The following ZNF195 variants were observed in gnomAD, a reference collection of about 807,000 sequenced individuals.
ZNF195 encodes the protein zinc finger protein 195.
ZNF195 carries 11 observed loss-of-function variants against 19.5 expected under a neutral mutation model. That is an observed-to-expected ratio of 0.57 (90% CI 0.36 to 0.94). ZNF195 has a LOEUF of 0.94. Among genes scored for constraint, ZNF195 ranks in the 40% least tolerant of loss-of-function variants. The pLI is 0.01. For synonymous variants in ZNF195, 214 were observed against 248.1 expected (o/e 0.86, Z 1.29); for missense variants, 582 against 709.0 (o/e 0.82, Z 2.03).
chr11:3,361,978 G>A, intron 3 of ZNF195, 89 bp from the exon 4 acceptor site: 1 of 434,164 alleles, frequency 2.3e-6, no homozygotes, highest in Non-Finnish European at 4.7e-6. Context: ...AGAATCACCT[G>A]AACCTGGGAA....
At chr11:3,378,935 G>A (rs1849611555) in intron 1 of ZNF195, 103 bp downstream of exon 1, 8 of 1,268,396 alleles carry the variant, frequency 6.3e-6, no homozygotes, top group Middle Eastern at 6.0e-4. Flanking sequence ...TCGGGTCCGC[G>A]GAGCCCGGAA....
chr11:3,362,141 T>C (rs1848665876), intron 3 of ZNF195: 3 of 328,492 alleles, frequency 9.1e-6, no homozygotes, highest in South Asian at 2.4e-5. Flanking sequence ...GCAAGAATAA[T>C]ATAACCAGTG....
In ZNF195 at chr11:3,360,130, A is replaced by G. The variant is rs1373335357; in HGVS notation, c.878T>C (p.Ile293Thr). 9 of 1,613,956 alleles carry G rather than the reference A, an allele frequency of 5.6e-6. No homozygotes were observed. Among genetic ancestry groups the G allele is most frequent in the African/African-American group, 2.7e-5 (2 of 74,922 alleles). Reference sequence around the variant, plus strand: ...CTTGTAAGGTTTCTCTCCAGTGTCAATGTTCTCAGGTTCAGTAAAGTGTGA... The same window carrying G: ...CTTGTAAGGTTTCTCTCCAGTGTCAGTGTTCTCAGGTTCAGTAAAGTGTGA... Reference protein sequence around the residue: ...QCSHFTEPENIDTGEKPYKCQ... With the variant: ...QCSHFTEPENTDTGEKPYKCQ... Residue 293 changes from isoleucine to threonine, a missense_variant, in exon 6 of 6, where the codon ATT (isoleucine) becomes ACT (threonine). This residue lies in a region of ZNF195 where 407 missense variants were observed against 530.5 expected (regional missense o/e 0.77). Transcript: ENST00000399602.
rs769043654 is a variant in ZNF195 at position 3,361,761 on chromosome 11, A to T, written c.355T>A (p.Ser119Thr). The T allele has an allele frequency of 7.7e-7, 1 of 1,296,614 alleles. No homozygotes were observed. Among genetic ancestry groups the T allele is most frequent in the South Asian group, 1.2e-5 (1 of 80,790 alleles). The allele number at this position is 1,296,614 out of a possible 1,614,324, so 80.3% of individuals were successfully genotyped here. The change falls in exon 4 of 6, where the codon TCT (serine) becomes ACT (threonine). Residue 119 changes from serine to threonine, a missense_variant. By Grantham distance (58) the Ser-to-Thr change is moderately conservative (BLOSUM62 1). Around this residue, in one of 3 missense-constraint regions of ZNF195, gnomAD observed 129 missense variants for 112.1 expected, o/e 1.15. Coordinates refer to ENST00000399602, the MANE Select transcript of ZNF195 (RefSeq NM_001130520.3). ...NHRAQPGLNV[S>T]VDKFTALCSP... Reference sequence around the variant, plus strand: ...AGATTACCAGTGAATTTGTCCACAGAAACATTGAGGCCTGGCTGGGCACGG... The same window carrying T: ...AGATTACCAGTGAATTTGTCCACAGTAACATTGAGGCCTGGCTGGGCACGG...
chr11:3,360,346 T>C lies in ZNF195; in HGVS notation c.662A>G (p.Tyr221Cys), dbSNP rs576848244. 6.2e-6 allele frequency: 10 copies of C among 1,600,908 alleles called. No homozygotes were observed. The South Asian group carries it at 7.8e-5, about 13-fold the overall frequency. ...THSKIFQYNK[Y>C]VKIFDNFSNL... ...TGAAAAGTTATCAAAGATTTTAACA[T>C]ATTTATTATATTGAAAGATTTTGCT... The change falls in exon 6 of 6, where the codon TAT (tyrosine) becomes TGT (cysteine). Residue 221 changes from tyrosine to cysteine, a missense_variant. Tyr to Cys is a radical substitution (Grantham distance 194). Around this residue, in one of 3 missense-constraint regions of ZNF195, gnomAD observed 407 missense variants for 530.5 expected, o/e 0.77. Transcript: ENST00000399602.
intron 3 of ZNF195, chr11:3,362,828 G>A (rs1848697442): frequency 7.6e-6 from 2 of 262,808 alleles, no homozygotes; most frequent in Admixed American, 5.3e-5. Flanking sequence ...TCAAACTACA[G>A]CTGACCTACA....
At chr11:3,378,718 G>T (rs1564932389) in intron 1 of ZNF195, among the ~76,000 whole-genome samples, 1 of 152,214 alleles carries the variant, frequency 6.6e-6, no homozygotes, top group Non-Finnish European at 1.5e-5. Flanking sequence ...GAGAAAGGAG[G>T]GACTGGGGCC....
chr11:3,360,774 C>A lies in ZNF195; in HGVS notation c.388G>T (p.Gly130Trp). Reference sequence around the variant, plus strand: ...AACCATTTCACAGTTTGCAGCACCCCAGGTGAGCACAGTGCTAGGAGCCAG... The same window carrying A: ...AACCATTTCACAGTTTGCAGCACCCAAGGTGAGCACAGTGCTAGGAGCCAG... ...VDKFTALCSP[G>W]VLQTVKWFLE... The change falls in exon 5 of 6, where the codon GGG becomes TGG. Residue 130 changes from glycine (G) to tryptophan (W), a missense_variant. Coordinates refer to ENST00000399602, the MANE Select transcript of ZNF195 (RefSeq NM_001130520.3). 1 of 1,551,488 alleles carries A rather than the reference C, an allele frequency of 6.4e-7. No individual in the cohort carries two copies. The highest frequency in any genetic ancestry group is 1.7e-4 in the Middle Eastern group (1 of 5,992).
intron 1 of ZNF195, among the ~76,000 whole-genome samples, chr11:3,378,305 A>C (rs1849568331): frequency 6.6e-6 from 1 of 152,094 alleles, no homozygotes; most frequent in African/African-American, 2.4e-5. Context: ...GCGAGACTCC[A>C]TCTCAAAAAT....
intron 3 of ZNF195, chr11:3,363,334 CA>C (rs1436483202): frequency 3.3e-5 from 5 of 152,092 alleles, no homozygotes; most frequent in Non-Finnish European, 7.3e-5. Context: ...CTCCACACAA[CA>C]CAGCAGGAGA....
rs751420700 is a variant in ZNF195, at chr11:3,359,694, G to A, written c.1314C>T (p.Tyr438=). The A allele has an allele frequency of 5.0e-6, 8 of 1,614,080 alleles. No individual in the cohort carries two copies. Among genetic ancestry groups the A allele is most frequent in the South Asian group, 3.3e-5 (3 of 91,090 alleles). ...AGGCTTTCCCACATTCGTCACATTT[G>A]TATGGTTTCTCACCAGTGTGAATTC... ...HKRIHTGEKP[Y]KCDECGKAYT... Residue 438 remains tyrosine (Y), a synonymous_variant, in exon 6 of 6, where the codon TAC becomes TAT. Coordinates refer to ENST00000399602, the MANE Select transcript of ZNF195 (RefSeq NM_001130520.3). The surrounding 1 kb of genome is among the most constrained non-coding windows in gnomAD (Gnocchi z 5.5).
At chr11:3,365,301 G>A (rs1848821968) in intron 3 of ZNF195, among the ~76,000 whole-genome samples, 1 of 152,166 alleles carries the variant, frequency 6.6e-6, no homozygotes, top group South Asian at 2.1e-4. Flanking sequence ...CAATTTAACA[G>A]ACATGCATAG....
chr11:3,373,940 T>C (rs1426715849), intron 1 of ZNF195, among the ~76,000 whole-genome samples: 1 of 152,212 alleles, frequency 6.6e-6, no homozygotes, highest in Non-Finnish European at 1.5e-5. Flanking sequence ...AAGAAGGCCC[T>C]GTGACCTCCC....
rs551067588 is a variant in ZNF195, at chr11:3,370,185, A to G, written c.226+790T>C. ...GTTGATATATTATATATACACACATATATGATATATACACACACATATATA... is the reference window on the plus strand; with the variant it reads ...GTTGATATATTATATATACACACATGTATGATATATACACACACATATATA... On this transcript the variant is annotated intron_variant, in intron 3 of 5. Transcript: ENST00000399602. Among the ~76,000 whole-genome samples, 7 of 152,218 alleles carry G rather than the reference A, an allele frequency of 4.6e-5. No individual in the cohort carries two copies. The South Asian group carries it at 1.2e-3, about 27-fold the overall frequency.
chr11:3,368,463 C>T (rs1849016945), intron 3 of ZNF195, among the ~76,000 whole-genome samples: 1 of 152,164 alleles, frequency 6.6e-6, no homozygotes, highest in African/African-American at 2.4e-5. Flanking sequence ...TTTAATAGAG[C>T]TTAGTAATCC....
At position 3,374,427 on chromosome 11, in the gene ZNF195, CTA is replaced by C. The variant is rs1194128203; in HGVS notation, c.4-2726_4-2725del. ...TGGTGCAAATGGAGACAGCCAATCTCTATTCTGAAAGATTACATTATTTCCTG... is the reference window on the plus strand; with the variant it reads ...TGGTGCAAATGGAGACAGCCAATCTCTTCTGAAAGATTACATTATTTCCTG... On this transcript the variant is annotated intron_variant, in intron 1 of 5. Coordinates refer to ENST00000399602, the MANE Select transcript of ZNF195 (RefSeq NM_001130520.3). 7.2e-5 allele frequency among the ~76,000 whole-genome samples: 11 copies of C among 152,316 alleles called. No individual in the cohort carries two copies. The East Asian group carries it at 1.9e-3, about 27-fold the overall frequency.
chr11:3,377,804 T>G (rs993194753), intron 1 of ZNF195: 14 of 992,126 alleles, frequency 1.4e-5, no homozygotes, highest in Non-Finnish European at 1.6e-5. Flanking sequence ...ATACTGAAAC[T>G]GAGGAAAAAG....
At chr11:3,368,975 A>G in intron 3 of ZNF195, 1 of 368,242 alleles carries the variant, frequency 2.7e-6, no homozygotes, top group South Asian at 2.1e-5. Context: ...AAAAACTCTG[A>G]GAGAAAACCT....
chr11:3,359,102 T>A lies in ZNF195; in HGVS notation c.*16A>T. 6.6e-7 allele frequency: 1 copy of A among 1,521,828 alleles called. No homozygotes were observed. The highest frequency in any genetic ancestry group is 8.8e-7 in the Non-Finnish European group (1 of 1,138,376). The allele number at this position is 1,521,828 out of a possible 1,614,324, so 94.3% of individuals were successfully genotyped here. On this transcript the variant is annotated 3_prime_UTR_variant, in exon 6 of 6. Coordinates refer to ENST00000399602, the MANE Select transcript of ZNF195 (RefSeq NM_001130520.3). This position sits in a 1 kb window ranked among gnomAD's most constrained non-coding sequence, Gnocchi z 5.5. ...ACTAACGGCTTTGCCTATTTTTATA[T>A]TTGTTTATTTTTTTCTCAAGTATGA...
Sources: allele counts gnomAD v4.1 joint callset (sites outside exome capture counted in the v4.1 genomes callset), GRCh38; gene constraint gnomAD v4.1.1; regional missense constraint gnomAD v4.1.1; non-coding constraint Gnocchi (gnomAD v3.1); transcripts MANE v1.5; gene names NCBI Gene and HGNC (gene_info 2026-07-23, HGNC 2026-07-21).